UNC93A: variants seen among roughly 807,000 people sequenced by gnomAD.
UNC93A encodes the protein unc-93 homolog A.
UNC93A carries 43 observed loss-of-function variants against 47.5 expected under a neutral mutation model. The ratio of observed to expected loss-of-function variants is 0.91; its 90% confidence interval spans 0.71 to 1.17. The LOEUF (loss-of-function observed/expected upper bound fraction) is 1.17. UNC93A is among the 50% of genes most tolerant of loss of function. The pLI, the probability that UNC93A is intolerant of heterozygous loss-of-function variation, is 0.00. For synonymous variants in UNC93A, 280 were observed against 258.0 expected (o/e 1.09, Z -0.82); for missense variants, 605 against 577.6 (o/e 1.05, Z -0.49).
At chr6:167,300,289 A>G (rs1187830757) in intron 4 of UNC93A, among the ~76,000 whole-genome samples, 2 of 152,152 alleles carry the variant, frequency 1.3e-5, no homozygotes, top group Non-Finnish European at 2.9e-5. Context: ...GGGAATTGTT[A>G]CAGAGAAGGG....
intron 4 of UNC93A, among the ~76,000 whole-genome samples, chr6:167,299,831 G>A (rs1444598691): frequency 6.6e-6 from 1 of 152,218 alleles, no homozygotes; most frequent in Non-Finnish European, 1.5e-5. Context: ...CAGAAATGGG[G>A]CACAAGACTA....
At chr6:167,297,688 A>C (rs1052284067) in intron 3 of UNC93A, among the ~76,000 whole-genome samples, 1 of 152,170 alleles carries the variant, frequency 6.6e-6, no homozygotes, top group African/African-American at 2.4e-5. Flanking sequence ...CACTTTTCCA[A>C]GTTCATTCTT....
rs1474634127 is a variant in UNC93A at position 167,294,668 on chromosome 6, C to G, written c.239C>G (p.Ala80Gly). 4.4e-6 allele frequency: 7 copies of G among 1,603,680 alleles called. No homozygotes were observed. The highest frequency in any genetic ancestry group is 4.3e-6 in the Non-Finnish European group (5 of 1,172,022). Residue 80 changes from alanine to glycine, a missense_variant, in exon 2 of 8, where the codon GCC becomes GGC. Ala to Gly is a moderately conservative substitution (Grantham distance 60). Transcript: ENST00000230256. Reference protein sequence around the residue: ...TIILSMCGYVAFSVGNFFASW... With the variant: ...TIILSMCGYVGFSVGNFFASW... ...ATCCTCTCCATGTGTGGCTACGTGG[C>G]CTTCTCCGTGGGCAACTTCTTCGCC...
At chr6:167,300,818 C>T (rs916339878) in intron 4 of UNC93A, among the ~76,000 whole-genome samples, 1 of 152,330 alleles carries the variant, frequency 6.6e-6, no homozygotes, top group Admixed American at 6.5e-5. Flanking sequence ...AGGTCTCCTT[C>T]CAGCTCCACA....
At chr6:167,307,566 T>G (rs1778435167) in intron 6 of UNC93A, among the ~76,000 whole-genome samples, 1 of 151,142 alleles carries the variant, frequency 6.6e-6, no homozygotes, top group African/African-American at 2.5e-5. Flanking sequence ...TTGAGACGGT[T>G]CCAGAGGACG....
At chr6:167,290,215 G>A (rs1783816896), upstream of UNC93A, among the ~76,000 whole-genome samples, 1 of 152,140 alleles carries the variant, frequency 6.6e-6, no homozygotes, top group South Asian at 2.1e-4. Flanking sequence ...TAGACTGCGT[G>A]GCTCTTATGT....
chr6:167,288,908 T>C (rs1206473129), upstream of UNC93A, among the ~76,000 whole-genome samples: 2 of 152,278 alleles, frequency 1.3e-5, no homozygotes, highest in Non-Finnish European at 2.9e-5. Flanking sequence ...AGGGCATCTG[T>C]CATTTTAACG....
At chr6:167,286,756 T>C (rs1583066443), upstream of UNC93A, among the ~76,000 whole-genome samples, 1 of 151,986 alleles carries the variant, frequency 6.6e-6, no homozygotes, top group African/African-American at 2.4e-5. Context: ...GGCGGGCGGA[T>C]TGCCTGAGCT....
chr6:167,279,441 C>T (rs954607648), intron 1 of UNC93A, among the ~76,000 whole-genome samples: 5 of 152,276 alleles, frequency 3.3e-5, no homozygotes, highest in East Asian at 1.9e-4. Flanking sequence ...TCCCTCCTAT[C>T]GTATGTGTAA....
chr6:167,303,825 C>G, intron 4 of UNC93A, 94 bp from the exon 5 acceptor site: 1 of 1,247,366 alleles, frequency 8.0e-7, no homozygotes, highest in Non-Finnish European at 1.2e-6. Context: ...AGCCCTCCCT[C>G]GCGAGAGGAG....
At chr6:167,293,970 A>G (rs1246280816) in intron 1 of UNC93A, among the ~76,000 whole-genome samples, 3 of 152,138 alleles carry the variant, frequency 2.0e-5, no homozygotes, top group African/African-American at 7.2e-5. Context: ...TGCAGTTTCC[A>G]GGATACGAGG....
At chr6:167,296,803 C>T (rs572116934) in intron 3 of UNC93A, among the ~76,000 whole-genome samples, 1 of 152,306 alleles carries the variant, frequency 6.6e-6, no homozygotes, top group South Asian at 2.1e-4. Context: ...CCTTAGTGCC[C>T]ACGTTGAGGC....
chr6:167,314,078 A>G (rs959008211), intron 7 of UNC93A, among the ~76,000 whole-genome samples: 1 of 152,174 alleles, frequency 6.6e-6, no homozygotes, highest in African/African-American at 2.4e-5. Flanking sequence ...GTTGGTCTTC[A>G]GCAGTAGAGG....
chr6:167,294,451 A>G (rs1449717261), intron 1 of UNC93A, 66 bp from the exon 2 acceptor site: 3 of 1,567,528 alleles, frequency 1.9e-6, no homozygotes, highest in African/African-American at 1.3e-5. Context: ...GACACTGAGG[A>G]CCTGCTGGTG....
intron 7 of UNC93A, among the ~76,000 whole-genome samples, chr6:167,308,488 G>A (rs1778465468): frequency 6.6e-6 from 1 of 152,082 alleles, no homozygotes; most frequent in Admixed American, 6.5e-5. Context: ...GGGAGCAGGG[G>A]AGGCCAGGGT....
intron 1 of UNC93A, among the ~76,000 whole-genome samples, chr6:167,273,138 A>T (rs942735149): frequency 6.6e-6 from 1 of 152,158 alleles, no homozygotes; most frequent in Admixed American, 6.5e-5. Context: ...GACATCAATC[A>T]CTTACTCTCT....
chr6:167,301,515 A>G (rs890540971), intron 4 of UNC93A, among the ~76,000 whole-genome samples: 2 of 152,190 alleles, frequency 1.3e-5, no homozygotes, highest in African/African-American at 4.8e-5. Flanking sequence ...CATTGCATTC[A>G]TAGTCAAGTT....
At chr6:167,283,486 T>A (rs1783668176) in intron 1 of UNC93A, among the ~76,000 whole-genome samples, 1 of 152,142 alleles carries the variant, frequency 6.6e-6, no homozygotes. Flanking sequence ...GTCCATTCAG[T>A]CCGTTGCGGG....
rs1330661774 is a variant in UNC93A at position 167,285,946 on chromosome 6, CTCTCTCTCTCTCTCTA to C, written c.-51-5491_-51-5476del. On this transcript the variant is annotated intron_variant, in intron 1 of 3. Transcript: ENST00000503433. The stretch of plus-strand genomic sequence containing the variant: ...TGAAGAGTTAGTTTTCTTTCTCTCT[CTCTCTCTCTCTCTCTA>C]TATATATATATATATATACACACAC... Among the ~76,000 whole-genome samples the C allele has an allele frequency of 5.8e-4, 80 of 138,708 alleles. 2 individuals are homozygous for C. The highest frequency in any genetic ancestry group is 1.1e-3 in the Non-Finnish European group (66 of 62,764). The allele number at this position is 138,708 out of a possible 152,430, so 91.0% of individuals were successfully genotyped here.
Sources: gnomAD v4.1 joint callset for allele counts (sites outside exome capture counted in the v4.1 genomes callset) on GRCh38, gnomAD v4.1.1 for gene constraint, MANE v1.5 for transcripts, NCBI Gene and HGNC (gene_info 2026-07-23, HGNC 2026-07-21) for gene names.